The following ASPRV1 variants were observed in gnomAD, a reference collection of about 807,000 sequenced individuals.
ASPRV1 encodes the protein aspartic peptidase retroviral like 1, also known as retroviral-like aspartic protease 1.
In ASPRV1, 7 loss-of-function variants were observed where a neutral mutation model predicts 11.0. The observed-to-expected ratio is 0.64, with a 90% CI of 0.36 to 1.20. The LOEUF is 1.20. Ranked by LOEUF, ASPRV1 falls within the 50% of genes most tolerant of loss-of-function variation. ASPRV1 has a pLI of 0.02. For missense variants in ASPRV1, 299 were observed against 320.0 expected (o/e 0.93, Z 0.50); for synonymous variants, 136 against 138.4 (o/e 0.98, Z 0.12).
the ASPRV1 span, among the ~76,000 whole-genome samples, chr2:69,982,830 C>T: frequency 6.2e-3 from 942 of 152,306 alleles, 10 homozygotes; most frequent in African/African-American, 0.021. Context: ...CAGATGGCAT[C>T]GCTGCGTCAG....
the ASPRV1 span, among the ~76,000 whole-genome samples, chr2:69,933,006 C>T: frequency 6.6e-6 from 1 of 151,950 alleles, no homozygotes; most frequent in South Asian, 2.1e-4. Flanking sequence ...CGAGACCAGC[C>T]TGGCCAACAT....
chr2:69,990,629 A>C, the ASPRV1 span, among the ~76,000 whole-genome samples: 2 of 152,028 alleles, frequency 1.3e-5, no homozygotes, highest in Admixed American at 1.3e-4. Flanking sequence ...TTTTTAAAAA[A>C]TGTTTTGTGG....
At chr2:69,987,209 G>A in the ASPRV1 span, among the ~76,000 whole-genome samples, 2 of 152,072 alleles carry the variant, frequency 1.3e-5, no homozygotes, top group African/African-American at 4.8e-5. Flanking sequence ...TAGGCCAATC[G>A]CCATCCCCTC....
the ASPRV1 span, among the ~76,000 whole-genome samples, chr2:70,047,462 C>T: frequency 9.2e-5 from 14 of 152,160 alleles, no homozygotes; most frequent in Admixed American, 2.6e-4. Flanking sequence ...GTTCTCTGTT[C>T]ACAGCCATGT....
chr2:70,058,330 C>T, the ASPRV1 span, among the ~76,000 whole-genome samples: 6 of 152,078 alleles, frequency 3.9e-5, no homozygotes, highest in Non-Finnish European at 7.3e-5. Flanking sequence ...GCAACCTTCA[C>T]CTCCCGGGTT....
the ASPRV1 span, chr2:70,053,917 T>C: frequency 4.6e-5 from 7 of 152,342 alleles, no homozygotes; most frequent in Non-Finnish European, 8.8e-5. Context: ...CTTTGCCAAA[T>C]GTGTATTTAT....
chr2:70,040,695 G>A, the ASPRV1 span, among the ~76,000 whole-genome samples: 4 of 152,074 alleles, frequency 2.6e-5, no homozygotes, highest in Non-Finnish European at 4.4e-5. Flanking sequence ...TTAGCCGGGC[G>A]CAGTGGCAGG....
chr2:70,056,604 C>CAAAAAAAAAAAAAAAA, the ASPRV1 span: 6 of 75,694 alleles, frequency 7.9e-5, no homozygotes, highest in African/African-American at 3.9e-4. Flanking sequence ...GACTCCGTCT[C>CAAAAAAAAAAAAAAAA]AAAAAAAAAA....
At chr2:70,038,850 G>C in the ASPRV1 span, among the ~76,000 whole-genome samples, 1 of 152,224 alleles carries the variant, frequency 6.6e-6, no homozygotes, top group African/African-American at 2.4e-5. Flanking sequence ...AAGCCGAGGT[G>C]GGCGGATCAC....
At chr2:70,032,035 CCA>C in the ASPRV1 span, 1 of 152,186 alleles carries the variant, frequency 6.6e-6, no homozygotes, top group Admixed American at 6.5e-5. Flanking sequence ...TATTCTCTGA[CCA>C]CAGTCATGTG....
At chr2:69,937,351 C>T in the ASPRV1 span, 1 of 1,613,876 alleles carries the variant, frequency 6.2e-7, no homozygotes, top group Non-Finnish European at 8.5e-7. Context: ...GGATGGACAG[C>T]ATCGGCTCCA....
the ASPRV1 span, among the ~76,000 whole-genome samples, chr2:70,008,827 AG>A: frequency 1.1e-4 from 16 of 152,132 alleles, no homozygotes; most frequent in African/African-American, 3.9e-4. Context: ...CAGGGCTAAA[AG>A]GGTTGGGGTC....
the ASPRV1 span, among the ~76,000 whole-genome samples, chr2:69,973,380 CTTG>C: frequency 6.6e-4 from 100 of 152,172 alleles, no homozygotes; most frequent in African/African-American, 1.7e-3. Flanking sequence ...TGGAACTTCA[CTTG>C]TTGTTTTTTT....
chr2:70,080,655 G>A, the ASPRV1 span, among the ~76,000 whole-genome samples: 3 of 152,292 alleles, frequency 2.0e-5, no homozygotes, highest in South Asian at 2.1e-4. Context: ...CACCTTAAAA[G>A]AGAATTATTG....
chr2:70,011,488 G>A, the ASPRV1 span, among the ~76,000 whole-genome samples: 15 of 152,150 alleles, frequency 9.9e-5, no homozygotes, highest in African/African-American at 3.4e-4. Flanking sequence ...GGCCAGGTGA[G>A]CAGATGAGGG....
the ASPRV1 span, among the ~76,000 whole-genome samples, chr2:70,039,743 C>A: frequency 6.6e-6 from 1 of 152,188 alleles, no homozygotes; most frequent in Non-Finnish European, 1.5e-5. Flanking sequence ...AGGTTCTAGC[C>A]CTCAGATGCT....
chr2:69,956,359 G>C (rs1677935347), downstream of ASPRV1, among the ~76,000 whole-genome samples: 1 of 151,680 alleles, frequency 6.6e-6, no homozygotes, highest in African/African-American at 2.4e-5. Flanking sequence ...GAGTCAGGAG[G>C]ATCACTTGAG....
the ASPRV1 span, among the ~76,000 whole-genome samples, chr2:70,058,543 C>G: frequency 2.6e-5 from 4 of 151,368 alleles, no homozygotes; most frequent in African/African-American, 9.7e-5. Context: ...CGCCTTTACT[C>G]TGAAGAAATT....
At chr2:69,949,483 T>C in the ASPRV1 span, among the ~76,000 whole-genome samples, 1 of 151,988 alleles carries the variant, frequency 6.6e-6, no homozygotes, top group Non-Finnish European at 1.5e-5. Context: ...CCACAGAAAA[T>C]ACCCGGGTTT....
Sources: allele counts gnomAD v4.1 joint callset (sites outside exome capture counted in the v4.1 genomes callset), GRCh38; gene constraint gnomAD v4.1.1; transcripts MANE v1.5; gene names NCBI Gene and HGNC (gene_info 2026-07-23, HGNC 2026-07-21).